Variants in RARB observed in about 807,000 individuals in gnomAD.
The protein encoded by RARB is retinoic acid receptor beta.
Under a neutral mutation model 51.9 loss-of-function variants are expected in RARB, and 17 were observed. The ratio of observed to expected loss-of-function variants is 0.33; its 90% CI spans 0.22 to 0.49. RARB has a LOEUF of 0.49. Among genes scored for constraint, RARB ranks in the 20% least tolerant of loss-of-function variants. The pLI is 0.99. For missense variants in RARB, 369 were observed against 550.8 expected, an observed-to-expected ratio of 0.67 and a Z score of 3.30; for synonymous variants, 215 against 195.4, an observed-to-expected ratio of 1.10 and a Z score of -0.84.
intron 2 of RARB, among the ~76,000 whole-genome samples, chr3:25,490,111 TA>T (rs1696655498): frequency 6.6e-6 from 1 of 152,254 alleles, no homozygotes; most frequent in Non-Finnish European, 1.5e-5. Context: ...GACTTAAATG[TA>T]AATGCCTGAC....
At chr3:25,210,212 C>G (rs1436242) in intron 5 of RARB, among the ~76,000 whole-genome samples, 1,638 of 152,292 alleles carry the variant, frequency 0.011, 34 homozygotes, top group African/African-American at 0.037. Flanking sequence ...CCGTTATGGT[C>G]TACACTGGGT....
intron 5 of RARB, among the ~76,000 whole-genome samples, chr3:25,321,445 C>T (rs1047608851): frequency 5.9e-5 from 9 of 151,964 alleles, no homozygotes; most frequent in Non-Finnish European, 1.0e-4. Context: ...AGGTCGGTCA[C>T]GGTGGCTCAC....
chr3:25,145,500 C>CG (rs1553637045), intron 4 of RARB, among the ~76,000 whole-genome samples: 2 of 151,488 alleles, frequency 1.3e-5, no homozygotes, highest in Non-Finnish European at 2.9e-5. Context: ...TTGTAAATTT[C>CG]AAAAAAAAGA....
At chr3:25,468,764 G>A (rs976653783) in intron 2 of RARB, among the ~76,000 whole-genome samples, 2 of 152,244 alleles carry the variant, frequency 1.3e-5, no homozygotes, top group African/African-American at 4.8e-5. Flanking sequence ...TTACAAGGCA[G>A]TCAGTCTTTC....
chr3:25,190,621 G>T (rs1355999143), intron 5 of RARB, among the ~76,000 whole-genome samples: 1 of 152,060 alleles, frequency 6.6e-6, no homozygotes, highest in East Asian at 1.9e-4. Flanking sequence ...ATTCCTTGAG[G>T]TGTGGTTAAT....
At chr3:25,065,082 G>C (rs1291718284) in intron 3 of RARB, among the ~76,000 whole-genome samples, 1 of 151,472 alleles carries the variant, frequency 6.6e-6, no homozygotes, top group Admixed American at 6.6e-5. Context: ...TTTTTAGATT[G>C]GTTAAGTATG....
chr3:25,353,426 G>C (rs1247955117), intron 5 of RARB, among the ~76,000 whole-genome samples: 2 of 152,072 alleles, frequency 1.3e-5, no homozygotes, highest in Non-Finnish European at 2.9e-5. Flanking sequence ...CTTTAGATTT[G>C]TTTTCTGCGC....
At chr3:24,941,740 C>T (rs1397208826) in intron 2 of RARB, among the ~76,000 whole-genome samples, 4 of 152,172 alleles carry the variant, frequency 2.6e-5, no homozygotes, top group Admixed American at 2.6e-4. Context: ...CCTCATTTTT[C>T]TGTGGACTGT....
At chr3:25,426,536 CT>C (rs1159892043), upstream of RARB, among the ~76,000 whole-genome samples, 8 of 152,256 alleles carry the variant, frequency 5.3e-5, no homozygotes, top group African/African-American at 7.2e-5. Flanking sequence ...GGGGTGCCCC[CT>C]GACAGGCTTT....
intron 1 of RARB, among the ~76,000 whole-genome samples, chr3:24,846,361 T>C (rs924882783): frequency 3.3e-5 from 5 of 152,230 alleles, no homozygotes; most frequent in African/African-American, 9.6e-5. Context: ...TAAATATTAG[T>C]TATTACCATT....
chr3:25,354,611 G>A (rs748878486), intron 5 of RARB, among the ~76,000 whole-genome samples: 14 of 152,012 alleles, frequency 9.2e-5, no homozygotes, highest in Non-Finnish European at 1.9e-4. Context: ...AACTTACTCG[G>A]CTCCCCTCAA....
chr3:25,550,872 A>C (rs752735625), intron 3 of RARB, among the ~76,000 whole-genome samples: 4 of 152,144 alleles, frequency 2.6e-5, no homozygotes, highest in Non-Finnish European at 4.4e-5. Context: ...AGTTTGCTGA[A>C]GATAATGGCT....
chr3:24,948,694 C>G (rs968552176), intron 2 of RARB, among the ~76,000 whole-genome samples: 1 of 152,018 alleles, frequency 6.6e-6, no homozygotes, highest in African/African-American at 2.4e-5. Flanking sequence ...GGGATTGGAT[C>G]GTGGGGGCAG....
At chr3:25,163,501 C>CAAAAAAAAAAA (rs1385452358) in intron 4 of RARB, among the ~76,000 whole-genome samples, 17 of 78,686 alleles carry the variant, frequency 2.2e-4, no homozygotes, top group African/African-American at 9.6e-4. Flanking sequence ...GACCCTATCT[C>CAAAAAAAAAAA]AAAATATATA....
At chr3:24,907,338 T>A (rs1445851914) in intron 2 of RARB, among the ~76,000 whole-genome samples, 1 of 152,210 alleles carries the variant, frequency 6.6e-6, no homozygotes, top group African/African-American at 2.4e-5. Flanking sequence ...GACAATTCCC[T>A]AAGTAATGCT....
At chr3:25,361,916 G>C (rs1343159173) in intron 5 of RARB, among the ~76,000 whole-genome samples, 2 of 152,142 alleles carry the variant, frequency 1.3e-5, no homozygotes, top group African/African-American at 2.4e-5. Context: ...GGTATCTGTC[G>C]ACCCCTGCTG....
chr3:24,873,479 C>T (rs569613082), intron 2 of RARB, among the ~76,000 whole-genome samples: 317 of 151,946 alleles, frequency 2.1e-3, no homozygotes, highest in Non-Finnish European at 2.8e-3. Flanking sequence ...ATTCTTGTTT[C>T]TTAGTTATTC....
intron 3 of RARB, among the ~76,000 whole-genome samples, chr3:25,559,223 A>C (rs1700174553): frequency 6.6e-6 from 1 of 152,198 alleles, no homozygotes; most frequent in African/African-American, 2.4e-5. Context: ...CATTCATTTA[A>C]GAAATATATG....
intron 5 of RARB, among the ~76,000 whole-genome samples, chr3:25,271,380 C>T (rs750739224): frequency 3.3e-5 from 5 of 152,104 alleles, no homozygotes; most frequent in Non-Finnish European, 7.3e-5. Context: ...TCTCAAGAAT[C>T]GCGTCTCAAA....
Sources: gnomAD v4.1 joint callset for allele counts (sites outside exome capture counted in the v4.1 genomes callset) on GRCh38, gnomAD v4.1.1 for gene constraint, MANE v1.5 for transcripts, NCBI Gene and HGNC (gene_info 2026-07-23, HGNC 2026-07-21) for gene names.